SAMD4A: variants seen among roughly 807,000 people sequenced by gnomAD.
SAMD4A encodes protein Smaug homolog 1.
Under a neutral mutation model 81.3 loss-of-function variants are expected in SAMD4A, and 33 were observed. The ratio of observed to expected loss-of-function variants is 0.41; its 90% CI spans 0.31 to 0.54. SAMD4A has a LOEUF of 0.54. Among genes scored for constraint, SAMD4A ranks in the 20% least tolerant of loss-of-function variants. The pLI is 0.37. For missense variants in SAMD4A, 854 were observed against 951.1 expected (o/e 0.90, Z 1.34); for synonymous variants, 389 against 382.1 (o/e 1.02, Z -0.21).
chr14:54,725,760 G>A (rs796622598), intron 3 of SAMD4A, among the ~76,000 whole-genome samples: 3 of 152,208 alleles, frequency 2.0e-5, no homozygotes, highest in South Asian at 4.2e-4. Flanking sequence ...ATCACATAAC[G>A]TAGCCTTTGT....
chr14:54,688,119 T>C (rs1310471259), intron 2 of SAMD4A: 12 of 985,450 alleles, frequency 1.2e-5, no homozygotes, highest in Non-Finnish European at 1.4e-5. Context: ...TCAACTGTAA[T>C]GTGCTCAGCT....
At chr14:54,722,372 C>G (rs1034093641) in intron 3 of SAMD4A, among the ~76,000 whole-genome samples, 11 of 152,174 alleles carry the variant, frequency 7.2e-5, no homozygotes, top group Non-Finnish European at 1.2e-4. Context: ...TGTCCTACTT[C>G]CTGCTGTGTT....
At chr14:54,623,480 C>A (rs2034666280) in intron 2 of SAMD4A, among the ~76,000 whole-genome samples, 5 of 11,862 alleles carry the variant, frequency 4.2e-4, no homozygotes, top group Admixed American at 1.4e-3. Flanking sequence ...ACTTGGACAT[C>A]AGCAAAAAAA....
intron 4 of SAMD4A, among the ~76,000 whole-genome samples, chr14:54,740,335 C>G (rs2037815181): frequency 6.6e-6 from 1 of 152,230 alleles, no homozygotes; most frequent in Non-Finnish European, 1.5e-5. Flanking sequence ...TGCTGGTCCA[C>G]TTTGGGGTGC....
chr14:54,768,474 C>A (rs971913776), intron 8 of SAMD4A, among the ~76,000 whole-genome samples: 2 of 152,186 alleles, frequency 1.3e-5, no homozygotes, highest in Non-Finnish European at 2.9e-5. Context: ...GATTCGAGCC[C>A]TGCCCATCTG....
At chr14:54,785,001 G>T (rs1269097246) in intron 12 of SAMD4A, among the ~76,000 whole-genome samples, 1 of 152,190 alleles carries the variant, frequency 6.6e-6, no homozygotes. Flanking sequence ...GGAATATCCC[G>T]CACAACACTG....
At position 54,786,189 on chromosome 14, in the gene SAMD4A, G is replaced by A. The variant is rs146591022; in HGVS notation, c.2128+1569G>A. Among the ~76,000 whole-genome samples, 91 of 152,316 alleles carry A rather than the reference G, an allele frequency of 6.0e-4. No homozygotes were observed. The East Asian group carries it at 0.01, about 17-fold the overall frequency. ...AAAGCAAAGAAGTACCAACCTATGC[G>A]ATGCAGTGGATGAATCTTAACATTA... On this transcript the variant is annotated intron_variant, in intron 12 of 12. Coordinates refer to ENST00000554335, the MANE Select transcript of SAMD4A (RefSeq NM_015589.6).
chr14:54,689,628 C>T (rs2036378348), intron 2 of SAMD4A: 1 of 152,228 alleles, frequency 6.6e-6, no homozygotes, highest in African/African-American at 2.4e-5. Flanking sequence ...CCCCAAGTCA[C>T]TTAGAGCACC....
chr14:54,763,851 A>G (rs547131515), intron 7 of SAMD4A, among the ~76,000 whole-genome samples: 2 of 152,226 alleles, frequency 1.3e-5, no homozygotes, highest in East Asian at 1.9e-4. Flanking sequence ...GTTCCATCCT[A>G]TTTAGCACTG....
intron 2 of SAMD4A, among the ~76,000 whole-genome samples, chr14:54,619,857 A>G (rs955672287): frequency 6.6e-6 from 1 of 152,188 alleles, no homozygotes; most frequent in Non-Finnish European, 1.5e-5. Context: ...TTCATGGTGT[A>G]TATGTACTCA....
intron 2 of SAMD4A, among the ~76,000 whole-genome samples, chr14:54,569,350 T>C (rs997639583): frequency 7.9e-5 from 12 of 152,192 alleles, no homozygotes; most frequent in Non-Finnish European, 1.8e-4. Context: ...TAGAATGGGA[T>C]GCTTCCATAT....
At chr14:54,754,983 G>T (rs2038200911) in intron 6 of SAMD4A, 8 of 339,440 alleles carry the variant, frequency 2.4e-5, no homozygotes, top group Admixed American at 6.4e-5. Context: ...TCACAACCCA[G>T]TCTGATCGAT....
intron 2 of SAMD4A, among the ~76,000 whole-genome samples, chr14:54,697,546 G>T (rs2036607113): frequency 6.6e-6 from 1 of 152,146 alleles, no homozygotes; most frequent in Non-Finnish European, 1.5e-5. Flanking sequence ...CAGGACGGGG[G>T]CGCTGAGGAA....
In SAMD4A at chr14:54,617,184, G is replaced by A. The variant is rs116055190; in HGVS notation, c.196+49072G>A. On this transcript the variant is annotated intron_variant, in intron 2 of 12. Coordinates refer to ENST00000554335, the MANE Select transcript of SAMD4A (RefSeq NM_015589.6). ...TGAGAATAAAGGAGGGAAGATGGAA[G>A]GCTCATTCATTTCCTTGAAATAATG... Among the ~76,000 whole-genome samples, 971 of 152,224 alleles carry A rather than the reference G, an allele frequency of 6.4e-3. 16 individuals are homozygous for A. The highest frequency in any genetic ancestry group is 0.022 in the African/African-American group (934 of 41,546).
intron 2 of SAMD4A, chr14:54,687,422 AT>A: frequency 4.5e-6 from 2 of 442,210 alleles, no homozygotes; most frequent in Non-Finnish European, 9.0e-6. Flanking sequence ...CACAGCCCTG[AT>A]TAGTTAGCTG....
intron 6 of SAMD4A, among the ~76,000 whole-genome samples, chr14:54,752,533 C>T (rs2038133875): frequency 2.0e-5 from 3 of 152,144 alleles, no homozygotes. Flanking sequence ...GTTTTGTGAG[C>T]ACATCAACAT....
At chr14:54,719,019 A>G (rs532632215) in intron 3 of SAMD4A, among the ~76,000 whole-genome samples, 11 of 151,988 alleles carry the variant, frequency 7.2e-5, no homozygotes, top group Non-Finnish European at 1.5e-4. Flanking sequence ...AAAAAAAGAA[A>G]AAAAAGAATC....
At chr14:54,567,101 C>G (rs2032963311), upstream of SAMD4A, 1 of 152,396 alleles carries the variant, frequency 6.6e-6, no homozygotes, top group African/African-American at 2.4e-5. Flanking sequence ...TTTGCATTAG[C>G]TCCCACCCCC....
At chr14:54,763,510 T>G (rs2038458993) in intron 7 of SAMD4A, among the ~76,000 whole-genome samples, 1 of 152,170 alleles carries the variant, frequency 6.6e-6, no homozygotes, top group African/African-American at 2.4e-5. Context: ...GTGAGGTAGT[T>G]TACAAGGTTT....
Sources: gnomAD v4.1 joint callset for allele counts (sites outside exome capture counted in the v4.1 genomes callset) on GRCh38, gnomAD v4.1.1 for gene constraint, MANE v1.5 for transcripts, NCBI Gene and HGNC (gene_info 2026-07-23, HGNC 2026-07-21) for gene names.